The following CSMD3 variants were observed in gnomAD, a reference collection of about 807,000 sequenced individuals.
The protein encoded by CSMD3 is CUB and Sushi multiple domains 3, also known as CUB and sushi domain-containing protein 3.
Under a neutral mutation model 435.2 loss-of-function variants are expected in CSMD3, and 177 were observed. That is an observed-to-expected ratio of 0.41 (90% CI 0.36 to 0.46). The LOEUF is 0.46. Among genes scored for constraint, CSMD3 ranks in the 20% least tolerant of loss-of-function variants. CSMD3 has a pLI of 0.34. For synonymous variants in CSMD3, 1,656 were observed against 1,520.5 expected, an observed-to-expected ratio of 1.09 and a Z score of -2.07; for missense variants, 4,265 against 4,504.6, an observed-to-expected ratio of 0.95 and a Z score of 1.52.
intron 59 of CSMD3, among the ~76,000 whole-genome samples, chr8:112,271,152 C>G (rs148700686): frequency 1.2e-4 from 18 of 152,198 alleles, no homozygotes; most frequent in Non-Finnish European, 2.2e-4. Flanking sequence ...ATTAAAATAT[C>G]TCATCTCTTG....
intron 28 of CSMD3, among the ~76,000 whole-genome samples, chr8:112,511,867 ATTTC>A (rs1028036587): frequency 6.6e-6 from 1 of 152,136 alleles, no homozygotes; most frequent in African/African-American, 2.4e-5. Context: ...CTTTGTTGTC[ATTTC>A]AACAATGTTC....
chr8:113,403,645 A>C, intron 1 of CSMD3, among the ~76,000 whole-genome samples: 1 of 151,506 alleles, frequency 6.6e-6, no homozygotes, highest in East Asian at 1.9e-4. Context: ...GTACTGTGAA[A>C]CTCCTTATAA....
chr8:112,841,139 A>G (rs1019158765), intron 11 of CSMD3, among the ~76,000 whole-genome samples: 1 of 151,676 alleles, frequency 6.6e-6, no homozygotes, highest in Admixed American at 6.6e-5. Flanking sequence ...CTGAATGAAA[A>G]GAGGAACTAT....
At chr8:112,799,297 G>C (rs2078905051) in intron 13 of CSMD3, among the ~76,000 whole-genome samples, 1 of 151,812 alleles carries the variant, frequency 6.6e-6, no homozygotes, top group Non-Finnish European at 1.5e-5. Context: ...AAGCATGACA[G>C]TGTTTGTAAG....
At chr8:113,076,909 T>G (rs2089362167) in intron 5 of CSMD3, among the ~76,000 whole-genome samples, 1 of 152,138 alleles carries the variant, frequency 6.6e-6, no homozygotes, top group Non-Finnish European at 1.5e-5. Context: ...ACAAGATGGT[T>G]TGAAAACACT....
chr8:112,255,674 A>C, intron 61 of CSMD3: 1 of 496,108 alleles, frequency 2.0e-6, no homozygotes, highest in Non-Finnish European at 3.6e-6. Flanking sequence ...ACCTTAATAA[A>C]GAAAGAATTT....
chr8:113,373,932 C>T (rs2094362359), intron 1 of CSMD3, among the ~76,000 whole-genome samples: 2 of 152,094 alleles, frequency 1.3e-5, no homozygotes, highest in African/African-American at 4.8e-5. Flanking sequence ...TGACATCTCA[C>T]TTCTGTGAAG....
rs113239503 is a variant in CSMD3 at position 113,351,660 on chromosome 8, T to C, written c.179-36867A>G. Among the ~76,000 whole-genome samples the C allele has an allele frequency of 8.7e-3, 1,325 of 152,280 alleles. 17 individuals carry two copies. Among genetic ancestry groups the C allele is most frequent in the African/African-American group, 0.03 (1,241 of 41,560 alleles). On this transcript the variant is annotated intron_variant, in intron 1 of 70. Coordinates refer to ENST00000297405, the MANE Select transcript of CSMD3 (RefSeq NM_198123.2). ...ATATTAAGATGCAGCTGCTGAGTGT[T>C]TCTTAAACACCAGGCATTCGCTAAG...
At chr8:112,249,915 C>A (rs1348414968) in intron 63 of CSMD3, among the ~76,000 whole-genome samples, 2 of 151,746 alleles carry the variant, frequency 1.3e-5, no homozygotes, top group South Asian at 2.1e-4. Context: ...CTTTCTAGGC[C>A]GGAGACTGTG....
intron 10 of CSMD3, among the ~76,000 whole-genome samples, chr8:112,872,273 A>G (rs1318587440): frequency 6.6e-6 from 1 of 152,100 alleles, no homozygotes; most frequent in Non-Finnish European, 1.5e-5. Context: ...TGCAGTTACA[A>G]TTAGGACTAA....
chr8:112,661,109 A>C (rs1383479164), intron 17 of CSMD3, among the ~76,000 whole-genome samples: 2 of 152,156 alleles, frequency 1.3e-5, no homozygotes, highest in Non-Finnish European at 1.5e-5. Context: ...TCTTACTTCT[A>C]GCCTAATTTA....
intron 27 of CSMD3, among the ~76,000 whole-genome samples, chr8:112,539,721 C>A (rs916308231): frequency 4.6e-5 from 7 of 151,920 alleles, no homozygotes; most frequent in Non-Finnish European, 1.0e-4. Context: ...AAAACTAGAC[C>A]CCTATCTCTC....
chr8:113,334,585 T>A (rs999859237), intron 1 of CSMD3, among the ~76,000 whole-genome samples: 3 of 152,062 alleles, frequency 2.0e-5, no homozygotes, highest in Non-Finnish European at 4.4e-5. Flanking sequence ...TGATACCTGC[T>A]TCATGAAATG....
intron 4 of CSMD3, among the ~76,000 whole-genome samples, chr8:113,155,764 G>A (rs763443009): frequency 1.3e-5 from 2 of 152,022 alleles, no homozygotes; most frequent in African/African-American, 4.8e-5. Flanking sequence ...AAATAAGTTC[G>A]TTCCTAATAT....
intron 1 of CSMD3, among the ~76,000 whole-genome samples, chr8:113,333,845 A>G (rs1302161889): frequency 6.6e-6 from 1 of 151,930 alleles, no homozygotes; most frequent in Non-Finnish European, 1.5e-5. Context: ...CATTAAATTT[A>G]TAAGTAAATT....
At chr8:113,119,666 C>T (rs577092697) in intron 4 of CSMD3, among the ~76,000 whole-genome samples, 10 of 152,152 alleles carry the variant, frequency 6.6e-5, no homozygotes, top group African/African-American at 9.6e-5. Flanking sequence ...AAACAATGTT[C>T]GCAGCAAATT....
intron 27 of CSMD3, among the ~76,000 whole-genome samples, chr8:112,543,618 G>A (rs1326860294): frequency 3.3e-5 from 5 of 152,062 alleles, no homozygotes; most frequent in Admixed American, 2.0e-4. Context: ...ACTCTTACAT[G>A]CTATTGGTGG....
intron 13 of CSMD3, among the ~76,000 whole-genome samples, chr8:112,710,367 A>G (rs2076585487): frequency 6.6e-6 from 1 of 152,024 alleles, no homozygotes; most frequent in South Asian, 2.1e-4. Flanking sequence ...TGGCTTTTCA[A>G]TCTCTTTAGC....
At chr8:112,978,294 T>A (rs527394448) in intron 6 of CSMD3, among the ~76,000 whole-genome samples, 1 of 152,140 alleles carries the variant, frequency 6.6e-6, no homozygotes, top group Non-Finnish European at 1.5e-5. Flanking sequence ...TAAATTATCA[T>A]ATTCCATCAG....
Sources: allele counts gnomAD v4.1 joint callset (sites outside exome capture counted in the v4.1 genomes callset), GRCh38; gene constraint gnomAD v4.1.1; transcripts MANE v1.5; gene names NCBI Gene and HGNC (gene_info 2026-07-23, HGNC 2026-07-21).